LRRC3B: variants seen among roughly 807,000 people sequenced by gnomAD.
LRRC3B encodes the protein leucine rich repeat containing 3B.
LRRC3B carries 2 observed loss-of-function variants against 12.8 expected under a neutral mutation model. The observed-to-expected ratio is 0.16, with a 90% CI of 0.06 to 0.49. The LOEUF is 0.49. Among genes scored for constraint, LRRC3B ranks in the 20% least tolerant of loss-of-function variants. The pLI is 0.96. For missense variants in LRRC3B, 189 were observed against 319.4 expected (o/e 0.59, Z 3.11); for synonymous variants, 132 against 122.0 (o/e 1.08, Z -0.54).
intron 1 of LRRC3B, among the ~76,000 whole-genome samples, chr3:26,700,889 T>G (rs1030534317): frequency 8.5e-5 from 13 of 152,178 alleles, no homozygotes; most frequent in East Asian, 1.9e-4. Context: ...AGGGTTGCAA[T>G]TACTACCTTT....
At chr3:26,709,622 G>A (rs755876089) in exon 2 of LRRC3B, 17 of 1,570,706 alleles carry the variant, frequency 1.1e-5, no homozygotes, top group Admixed American at 6.9e-5. Context: ...CCTTTACCAC[G>A]CTTGTTGGAG....
intron 1 of LRRC3B, among the ~76,000 whole-genome samples, chr3:26,677,274 G>T (rs1279419797): frequency 1.3e-5 from 2 of 152,170 alleles, no homozygotes; most frequent in African/African-American, 4.8e-5. Context: ...GAATGTGAGG[G>T]GAGGGTTGAT....
chr3:26,649,226 C>T (rs1296669556), intron 1 of LRRC3B, among the ~76,000 whole-genome samples: 1 of 152,170 alleles, frequency 6.6e-6, no homozygotes, highest in African/African-American at 2.4e-5. Context: ...AAACACTGAA[C>T]AGAATTATCT....
intron 1 of LRRC3B, among the ~76,000 whole-genome samples, chr3:26,632,757 G>A (rs1281163090): frequency 6.6e-6 from 1 of 152,056 alleles, no homozygotes; most frequent in Admixed American, 6.6e-5. Context: ...AAGTCAACAT[G>A]GTGGATTAGC....
At chr3:26,626,554 G>T (rs1190408470) in intron 1 of LRRC3B, among the ~76,000 whole-genome samples, 2 of 151,966 alleles carry the variant, frequency 1.3e-5, no homozygotes, top group African/African-American at 2.4e-5. Flanking sequence ...GCTCAAATAT[G>T]GTACCATTAT....
intron 1 of LRRC3B, among the ~76,000 whole-genome samples, chr3:26,650,857 T>C (rs1257256509): frequency 6.6e-6 from 1 of 152,186 alleles, no homozygotes; most frequent in East Asian, 1.9e-4. Context: ...CAGATTTTTG[T>C]CTTGCGTCAG....
chr3:26,680,400 T>A (rs2125440862), intron 1 of LRRC3B, among the ~76,000 whole-genome samples: 1 of 152,342 alleles, frequency 6.6e-6, no homozygotes, highest in African/African-American at 2.4e-5. Flanking sequence ...GTTTTAGAAA[T>A]AAAGTAAAAG....
intron 1 of LRRC3B, among the ~76,000 whole-genome samples, chr3:26,681,609 G>T (rs1699972463): frequency 6.6e-6 from 1 of 152,140 alleles, no homozygotes; most frequent in African/African-American, 2.4e-5. Context: ...AGCTCTGGAG[G>T]TGAAATAGGA....
At chr3:26,698,109 T>C (rs1575173977) in intron 1 of LRRC3B, among the ~76,000 whole-genome samples, 1 of 152,132 alleles carries the variant, frequency 6.6e-6, no homozygotes. Context: ...CAGTGTAAGA[T>C]GATGATGATA....
At chr3:26,629,590 C>A (rs754789651) in intron 1 of LRRC3B, among the ~76,000 whole-genome samples, 1 of 152,188 alleles carries the variant, frequency 6.6e-6, no homozygotes, top group Non-Finnish European at 1.5e-5. Flanking sequence ...CTGGTCCAGG[C>A]TGCTGATCTT....
intron 1 of LRRC3B, among the ~76,000 whole-genome samples, chr3:26,706,137 G>A (rs943274749): frequency 1.3e-5 from 2 of 152,110 alleles, no homozygotes; most frequent in Non-Finnish European, 2.9e-5. Context: ...TCTTCACATG[G>A]CAGAAGGGAT....
chr3:26,661,450 G>A (rs1294434013), intron 1 of LRRC3B, among the ~76,000 whole-genome samples: 1 of 152,010 alleles, frequency 6.6e-6, no homozygotes, highest in African/African-American at 2.4e-5. Context: ...TGATTTTTAT[G>A]TCTTTAGGTA....
intron 1 of LRRC3B, among the ~76,000 whole-genome samples, chr3:26,648,618 C>T (rs1363514699): frequency 6.6e-6 from 1 of 152,160 alleles, no homozygotes; most frequent in Non-Finnish European, 1.5e-5. Context: ...CCCTAGAGAA[C>T]CAGAATCCTG....
intron 1 of LRRC3B, among the ~76,000 whole-genome samples, chr3:26,651,912 C>G (rs1199257092): frequency 6.6e-6 from 1 of 152,154 alleles, no homozygotes; most frequent in African/African-American, 2.4e-5. Flanking sequence ...TCAATGGATT[C>G]TCAAGAATAG....
chr3:26,663,342 C>A (rs1699534735), intron 1 of LRRC3B, among the ~76,000 whole-genome samples: 1 of 152,060 alleles, frequency 6.6e-6, no homozygotes. Context: ...TACACACATG[C>A]ATCTTTATTT....
exon 2 of LRRC3B, chr3:26,710,172 C>A: frequency 6.2e-7 from 1 of 1,613,912 alleles, no homozygotes; most frequent in Non-Finnish European, 8.5e-7. Flanking sequence ...CATGAGACAG[C>A]CCACAACGTG....
chr3:26,666,482 C>T (rs1699606035), intron 1 of LRRC3B, among the ~76,000 whole-genome samples: 1 of 152,018 alleles, frequency 6.6e-6, no homozygotes, highest in Non-Finnish European at 1.5e-5. Flanking sequence ...ACTACAAGCT[C>T]AGGGCTTTGT....
At chr3:26,644,520 C>T (rs1198338332) in intron 1 of LRRC3B, among the ~76,000 whole-genome samples, 1 of 151,986 alleles carries the variant, frequency 6.6e-6, no homozygotes, top group Non-Finnish European at 1.5e-5. Context: ...AAGCAACTGA[C>T]CCTGGAATCT....
intron 1 of LRRC3B, among the ~76,000 whole-genome samples, chr3:26,657,073 A>G (rs1034699338): frequency 6.6e-6 from 1 of 152,226 alleles, no homozygotes; most frequent in Non-Finnish European, 1.5e-5. Flanking sequence ...GTAGCATATG[A>G]TACAGTTTTT....
Sources: allele counts gnomAD v4.1 joint callset (sites outside exome capture counted in the v4.1 genomes callset), GRCh38; gene constraint gnomAD v4.1.1; transcripts MANE v1.5; gene names NCBI Gene and HGNC (gene_info 2026-07-23, HGNC 2026-07-21).